Variants in ADARB2 observed in about 807,000 individuals in gnomAD.
The protein encoded by ADARB2 is inactive double-stranded RNA-specific editase B2.
A neutral mutation model predicts 62.2 loss-of-function variants in ADARB2; 25 were observed. That is an observed-to-expected ratio of 0.40 (90% CI 0.29 to 0.56). The LOEUF (loss-of-function observed/expected upper bound fraction) is 0.56, where lower values mean the gene tolerates loss of function less well. Ranked by LOEUF, ADARB2 falls within the 20% of genes least tolerant of loss-of-function variation. The probability of loss-of-function intolerance (pLI) is 0.43; values close to 1 mark genes in which losing one functional copy is unlikely to be tolerated. For missense variants in ADARB2, 1,071 were observed against 1,077.4 expected, an observed-to-expected ratio of 0.99 and a Z score of 0.08; for synonymous variants, 572 against 500.8, an observed-to-expected ratio of 1.14 and a Z score of -1.90.
At chr10:1,726,368 TAA>T (rs974276403) in intron 1 of ADARB2, among the ~76,000 whole-genome samples, 16 of 148,040 alleles carry the variant, frequency 1.1e-4, no homozygotes, top group Non-Finnish European at 1.4e-4. Context: ...TCTAATAAGA[TAA>T]GACCAAGAGA....
At chr10:1,595,562 C>T (rs1292370364) in intron 1 of ADARB2, among the ~76,000 whole-genome samples, 1 of 152,224 alleles carries the variant, frequency 6.6e-6, no homozygotes, top group South Asian at 2.1e-4. Context: ...GGCCGAGGCT[C>T]AGCTGTCACC....
At chr10:1,628,152 CG>C (rs1564351490) in intron 1 of ADARB2, among the ~76,000 whole-genome samples, 1 of 152,244 alleles carries the variant, frequency 6.6e-6, no homozygotes, top group Non-Finnish European at 1.5e-5. Context: ...TGAGAGCAAA[CG>C]GGCGGCGATG....
At chr10:1,202,001 G>A (rs559876587) in intron 7 of ADARB2, among the ~76,000 whole-genome samples, 36 of 152,150 alleles carry the variant, frequency 2.4e-4, no homozygotes, top group Non-Finnish European at 4.3e-4. Context: ...TCTTTTCCTT[G>A]ATGTTCACCG....
chr10:1,321,344 C>T (rs1437825169), intron 3 of ADARB2, among the ~76,000 whole-genome samples: 1 of 152,158 alleles, frequency 6.6e-6, no homozygotes, highest in East Asian at 1.9e-4. Context: ...GGTGACTGCA[C>T]TGCCTGCCAT....
chr10:1,338,939 C>T (rs990931580), intron 3 of ADARB2, among the ~76,000 whole-genome samples: 8 of 152,240 alleles, frequency 5.3e-5, no homozygotes, highest in African/African-American at 1.7e-4. Flanking sequence ...GGCTGATCTT[C>T]CCAACTCTTC....
chr10:1,462,230 C>A (rs986609447), intron 1 of ADARB2, among the ~76,000 whole-genome samples: 4 of 152,048 alleles, frequency 2.6e-5, no homozygotes, highest in African/African-American at 9.7e-5. Flanking sequence ...CAGCTCAGGG[C>A]TCTGCCAGCT....
intron 1 of ADARB2, among the ~76,000 whole-genome samples, chr10:1,490,982 C>T (rs1488035366): frequency 6.6e-6 from 1 of 152,202 alleles, no homozygotes; most frequent in Admixed American, 6.5e-5. Context: ...CTTCATATCT[C>T]TTAGGAACAA....
intron 3 of ADARB2, among the ~76,000 whole-genome samples, chr10:1,286,980 C>T (rs1234495745): frequency 2.0e-5 from 3 of 152,188 alleles, no homozygotes; most frequent in Non-Finnish European, 2.9e-5. Context: ...CTCACCCCCA[C>T]GTGCCTCATC....
At chr10:1,725,930 AG>A in intron 1 of ADARB2, among the ~76,000 whole-genome samples, 1 of 152,398 alleles carries the variant, frequency 6.6e-6, no homozygotes, top group East Asian at 1.9e-4. Context: ...TCAAGAGTAC[AG>A]GGGCTAACCC....
chr10:1,255,564 A>G lies in ADARB2; in HGVS notation c.1193-13265T>C, dbSNP rs1018445951. 1.3e-5 allele frequency among the ~76,000 whole-genome samples: 2 copies of G among 152,254 alleles called. No individual in the cohort carries two copies. Among genetic ancestry groups the G allele is most frequent in the African/African-American group, 4.8e-5 (2 of 41,474 alleles). Reference sequence around the variant, plus strand: ...ACCCAAAGAGGGTCAGGCCATGGACAGGGATGTGACCAGATGTCAGCTGGT... The same window carrying G: ...ACCCAAAGAGGGTCAGGCCATGGACGGGGATGTGACCAGATGTCAGCTGGT... On this transcript the variant is annotated intron_variant, in intron 4 of 9. Coordinates refer to ENST00000381312, the MANE Select transcript of ADARB2 (RefSeq NM_018702.4). This position sits in a 1 kb window ranked among gnomAD's most constrained non-coding sequence, Gnocchi z 4.7.
In ADARB2 at chr10:1,700,679, G is replaced by T. The variant is rs1345179689; in HGVS notation, c.100+36372C>A. Among the ~76,000 whole-genome samples, 9 of 4,216 alleles carry T rather than the reference G, an allele frequency of 2.1e-3. 1 individual carries two copies. The highest frequency in any genetic ancestry group is 3.7e-3 in the Non-Finnish European group (1 of 272). The allele number at this position is 4,216 out of a possible 152,430, so 2.8% of individuals were successfully genotyped here. A position where few individuals can be genotyped will look rare whatever the true frequency, so the allele number is the denominator to read the frequency against. ...GGAGACCGGGCGCTCGCCAATACAT[G>T]CAATCCCACTCCACCGGGAGACCAG... is the stretch of plus-strand genomic sequence containing the variant. On this transcript the variant is annotated intron_variant, in intron 1 of 9. Coordinates refer to ENST00000381312, the MANE Select transcript of ADARB2 (RefSeq NM_018702.4).
At chr10:1,350,943 T>G (rs1357006654) in intron 3 of ADARB2, among the ~76,000 whole-genome samples, 1 of 152,092 alleles carries the variant, frequency 6.6e-6, no homozygotes, top group Non-Finnish European at 1.5e-5. Context: ...CCGCCATATC[T>G]CCAGCACGCA....
At chr10:1,615,840 T>C (rs911194948) in intron 1 of ADARB2, among the ~76,000 whole-genome samples, 5 of 152,332 alleles carry the variant, frequency 3.3e-5, no homozygotes, top group Non-Finnish European at 5.9e-5. Flanking sequence ...AAGTGGGTGC[T>C]CCTACCCAGT....
chr10:1,214,883 C>T (rs915182597), intron 7 of ADARB2, among the ~76,000 whole-genome samples: 2 of 152,250 alleles, frequency 1.3e-5, no homozygotes, highest in African/African-American at 4.8e-5. Context: ...TAGGCTGACC[C>T]TGTGGCTCCC....
chr10:1,356,337 TG>T (rs1201957685), intron 3 of ADARB2, among the ~76,000 whole-genome samples: 9 of 152,176 alleles, frequency 5.9e-5, no homozygotes, highest in African/African-American at 2.2e-4. Context: ...CACAGGCGCA[TG>T]GGAAGAATGG....
intron 4 of ADARB2, among the ~76,000 whole-genome samples, chr10:1,263,073 T>A (rs185998628): frequency 4.3e-5 from 6 of 139,264 alleles, no homozygotes; most frequent in Admixed American, 1.6e-4. Flanking sequence ...TAGGTGGGAA[T>A]TGAACAATGA....
chr10:1,715,361 G>A (rs371625416), intron 1 of ADARB2, among the ~76,000 whole-genome samples: 41 of 152,226 alleles, frequency 2.7e-4, no homozygotes, highest in South Asian at 1.9e-3. Flanking sequence ...TTGGAAATAA[G>A]TAGGGTTTGA....
intron 1 of ADARB2, among the ~76,000 whole-genome samples, chr10:1,489,188 C>T (rs367559449): frequency 5.9e-5 from 9 of 152,380 alleles, no homozygotes; most frequent in African/African-American, 2.2e-4. Flanking sequence ...TGATCAACTT[C>T]TCATGCACTT....
chr10:1,231,276 T>C (rs1395316211), intron 6 of ADARB2, among the ~76,000 whole-genome samples: 1 of 152,220 alleles, frequency 6.6e-6, no homozygotes, highest in East Asian at 1.9e-4. Context: ...GTCTTTACGA[T>C]GCCAACCCTT....
Sources: allele counts gnomAD v4.1 joint callset (sites outside exome capture counted in the v4.1 genomes callset), GRCh38; gene constraint gnomAD v4.1.1; non-coding constraint Gnocchi (gnomAD v3.1); transcripts MANE v1.5; gene names NCBI Gene and HGNC (gene_info 2026-07-23, HGNC 2026-07-21).